CTNNA2: variants seen among roughly 807,000 people sequenced by gnomAD.
The protein encoded by CTNNA2 is catenin alpha 2.
In CTNNA2, 42 loss-of-function variants were observed where a neutral mutation model predicts 101.0. That is an observed-to-expected ratio of 0.42 (90% CI 0.32 to 0.54). The LOEUF is 0.54. Among genes scored for constraint, CTNNA2 ranks in the 20% least tolerant of loss-of-function variants. The pLI, the probability that CTNNA2 is intolerant of heterozygous loss-of-function variation, is 0.14. For synonymous variants in CTNNA2, 450 were observed against 456.4 expected (o/e 0.99, Z 0.18); for missense variants, 871 against 1,223.1 (o/e 0.71, Z 4.29).
intron 7 of CTNNA2, among the ~76,000 whole-genome samples, chr2:80,327,935 G>GTT (rs148218237): frequency 5.3e-5 from 8 of 152,196 alleles, no homozygotes; most frequent in African/African-American, 1.9e-4. Context: ...ATGTATAAAT[G>GTT]TTTTTTTATT....
At chr2:79,835,764 C>T (rs1574091718) in intron 3 of CTNNA2, among the ~76,000 whole-genome samples, 2 of 131,810 alleles carry the variant, frequency 1.5e-5, no homozygotes, top group Admixed American at 9.1e-5. Flanking sequence ...TCCCAAGTAG[C>T]TGGGACTACA....
At chr2:79,602,947 G>A (rs1432687858) in intron 1 of CTNNA2, among the ~76,000 whole-genome samples, 1 of 152,094 alleles carries the variant, frequency 6.6e-6, no homozygotes, top group East Asian at 1.9e-4. Context: ...CATAGACTGT[G>A]GTAAGACGAA....
At chr2:79,503,023 G>A (rs544011071) in intron 4 of CTNNA2, among the ~76,000 whole-genome samples, 104 of 152,310 alleles carry the variant, frequency 6.8e-4, no homozygotes, top group Non-Finnish European at 1.4e-3. Flanking sequence ...GCAGGCACAA[G>A]TTTAACAGCA....
rs1308916312 is a variant in CTNNA2 at position 80,647,805 on chromosome 2, G to T, written c.2795G>T (p.Gly932Val). 6.2e-7 allele frequency: 1 copy of T among 1,613,464 alleles called. No individual in the cohort carries two copies. Among genetic ancestry groups the T allele is most frequent in the African/African-American group, 1.3e-5 (1 of 74,878 alleles). The change falls in exon 19 of 19, where the codon GGT becomes GTT. Residue 932 changes from glycine to valine, a missense_variant. This residue lies in a region of CTNNA2 where 41 missense variants were observed against 45.1 expected (regional missense o/e 0.91). Transcript: ENST00000402739. ...PEEFQTRVRR[G>V]SQKKHISPVQ... ...GAATTCCAGACACGAGTTCGACGAG[G>T]TTCTCAGAAGAAACACATTTCGCCT...
At chr2:80,573,322 G>T (rs1263116422) in intron 12 of CTNNA2, 1 of 152,100 alleles carries the variant, frequency 6.6e-6, no homozygotes, top group Non-Finnish European at 1.5e-5. Flanking sequence ...TAATCTCTAG[G>T]GTGTGTGCAG....
chr2:79,310,270 G>T (rs1166622879), intron 2 of CTNNA2, among the ~76,000 whole-genome samples: 1 of 152,098 alleles, frequency 6.6e-6, no homozygotes, highest in African/African-American at 2.4e-5. Flanking sequence ...AAAATATTTG[G>T]TATATTCCTA....
At chr2:79,963,876 T>G (rs533535532) in intron 7 of CTNNA2, among the ~76,000 whole-genome samples, 4 of 152,320 alleles carry the variant, frequency 2.6e-5, no homozygotes, top group Admixed American at 1.3e-4. Flanking sequence ...CAAGTAGCGT[T>G]TATCTTTCTG....
chr2:79,652,703 C>T (rs1221624685), intron 2 of CTNNA2, among the ~76,000 whole-genome samples: 1 of 152,078 alleles, frequency 6.6e-6, no homozygotes, highest in African/African-American at 2.4e-5. Flanking sequence ...AACATATTTA[C>T]AGTTTCCAGG....
chr2:79,760,667 C>T (rs899724170), intron 3 of CTNNA2, among the ~76,000 whole-genome samples: 1 of 152,160 alleles, frequency 6.6e-6, no homozygotes, highest in Non-Finnish European at 1.5e-5. Context: ...AATGCCTGAC[C>T]AACTTCACAG....
chr2:80,577,190 T>C (rs1450154416), intron 13 of CTNNA2, among the ~76,000 whole-genome samples: 1 of 152,160 alleles, frequency 6.6e-6, no homozygotes, highest in Non-Finnish European at 1.5e-5. Flanking sequence ...GACAAAAGTC[T>C]CTACCCTCAC....
chr2:79,353,451 TG>T (rs1343710254), intron 3 of CTNNA2, among the ~76,000 whole-genome samples: 1 of 152,124 alleles, frequency 6.6e-6, no homozygotes, highest in Non-Finnish European at 1.5e-5. Flanking sequence ...AGGAGAGAAT[TG>T]TTTTTTGTTT....
intron 2 of CTNNA2, among the ~76,000 whole-genome samples, chr2:79,198,277 G>A (rs891974762): frequency 2.6e-5 from 4 of 152,086 alleles, no homozygotes; most frequent in Non-Finnish European, 5.9e-5. Flanking sequence ...CTTGAGAAAG[G>A]TAAAAATACA....
intron 1 of CTNNA2, among the ~76,000 whole-genome samples, chr2:79,598,192 C>T (rs1003553610): frequency 1.1e-4 from 16 of 152,132 alleles, no homozygotes; most frequent in Non-Finnish European, 2.9e-5. Flanking sequence ...CTGGATATAC[C>T]AATTTATCCA....
intron 7 of CTNNA2, among the ~76,000 whole-genome samples, chr2:80,243,751 T>G (rs1671121664): frequency 6.6e-6 from 1 of 152,224 alleles, no homozygotes; most frequent in Non-Finnish European, 1.5e-5. Context: ...TTTGCATGCC[T>G]TCATTTCCCT....
intron 7 of CTNNA2, among the ~76,000 whole-genome samples, chr2:79,999,942 A>G (rs1692824838): frequency 6.6e-6 from 1 of 152,182 alleles, no homozygotes; most frequent in African/African-American, 2.4e-5. Context: ...TAGACGAGAA[A>G]GAGATGGGAA....
At chr2:80,092,644 G>T (rs1180196400) in intron 7 of CTNNA2, among the ~76,000 whole-genome samples, 3 of 152,038 alleles carry the variant, frequency 2.0e-5, no homozygotes, top group African/African-American at 7.2e-5. Context: ...AACCTTTCCA[G>T]GAAGACAAGA....
chr2:79,616,378 G>A (rs1009663617), intron 1 of CTNNA2, among the ~76,000 whole-genome samples: 1 of 152,112 alleles, frequency 6.6e-6, no homozygotes, highest in Admixed American at 6.5e-5. Flanking sequence ...ACTTTAGGAA[G>A]GATGTAAAAC....
chr2:79,906,758 C>T (rs1038859353), intron 6 of CTNNA2, among the ~76,000 whole-genome samples: 1 of 152,114 alleles, frequency 6.6e-6, no homozygotes, highest in Non-Finnish European at 1.5e-5. Flanking sequence ...ATAATTCATG[C>T]GTTTTAAAAG....
intron 2 of CTNNA2, among the ~76,000 whole-genome samples, chr2:79,200,084 A>C (rs1674013195): frequency 6.6e-6 from 1 of 152,090 alleles, no homozygotes; most frequent in African/African-American, 2.4e-5. Context: ...TGGCAGTACT[A>C]ATCCCATCAT....
Sources: gnomAD v4.1 joint callset for allele counts (sites outside exome capture counted in the v4.1 genomes callset) on GRCh38, gnomAD v4.1.1 for gene constraint, gnomAD v4.1.1 regional missense constraint, MANE v1.5 for transcripts, NCBI Gene and HGNC (gene_info 2026-07-23, HGNC 2026-07-21) for gene names.